The following NOL4L variants were observed in gnomAD, a reference collection of about 807,000 sequenced individuals.
NOL4L encodes nucleolar protein 4-like.
Under a neutral mutation model 64.5 loss-of-function variants are expected in NOL4L, and 7 were observed. That is an observed-to-expected ratio of 0.11 (90% CI 0.06 to 0.20). NOL4L has a LOEUF of 0.20. NOL4L is among the 10% of genes least tolerant of loss of function. The pLI, the probability that NOL4L is intolerant of heterozygous loss-of-function variation, is 1.00. For synonymous variants in NOL4L, 413 were observed against 401.0 expected, an observed-to-expected ratio of 1.03 and a Z score of -0.36; for missense variants, 680 against 967.1, an observed-to-expected ratio of 0.70 and a Z score of 3.94.
intron 1 of NOL4L, among the ~76,000 whole-genome samples, chr20:32,566,685 T>C (rs1979450948): frequency 6.6e-6 from 1 of 152,282 alleles, no homozygotes; most frequent in Non-Finnish European, 1.5e-5. Context: ...CTGCTCAAAA[T>C]GTCACATTTT....
chr20:32,579,908 C>T (rs1425584232), intron 1 of NOL4L, among the ~76,000 whole-genome samples: 1 of 152,208 alleles, frequency 6.6e-6, no homozygotes, highest in African/African-American at 2.4e-5. Flanking sequence ...TCCCTCCTCC[C>T]CACCCCACAC....
intron 3 of NOL4L, among the ~76,000 whole-genome samples, chr20:32,518,817 T>A (rs1478088769): frequency 2.0e-5 from 3 of 152,178 alleles, no homozygotes; most frequent in Non-Finnish European, 4.4e-5. Flanking sequence ...CTCCAGCCCA[T>A]CTGCAGGTAC....
chr20:32,450,154 A>T (rs542407922), intron 10 of NOL4L: 10 of 152,406 alleles, frequency 6.6e-5, no homozygotes, highest in African/African-American at 7.2e-5. Flanking sequence ...GCCGAGCCTG[A>T]TTCTATCTAA....
At chr20:32,565,901 A>C (rs991518163) in intron 1 of NOL4L, among the ~76,000 whole-genome samples, 1 of 148,206 alleles carries the variant, frequency 6.7e-6, no homozygotes, top group African/African-American at 2.6e-5. Flanking sequence ...AAGAAGAAAA[A>C]AATTAGTTGG....
In NOL4L at chr20:32,483,244, C is replaced by G. The variant is rs2015858854; in HGVS notation, c.700-8502G>C. On this transcript the variant is annotated intron_variant, in intron 4 of 10. Coordinates refer to ENST00000621426, the MANE Select transcript of NOL4L (RefSeq NM_001256798.2). Reference sequence around the variant, plus strand: ...TGCGCCCCCCTCCCCAGAACCGCCCCCAGCCCCTCGCCCCCCTAACCGCAG... The same window carrying G: ...TGCGCCCCCCTCCCCAGAACCGCCCGCAGCCCCTCGCCCCCCTAACCGCAG... 5.3e-6 allele frequency: 3 copies of G among 566,946 alleles called. No homozygotes were observed. In the South Asian group the frequency reaches 2.3e-4, roughly 43 times the overall value. 35.1% of individuals were successfully genotyped at this position (566,946 alleles called of 1,614,324 possible).
At chr20:32,540,055 C>T (rs1211430269) in intron 1 of NOL4L, among the ~76,000 whole-genome samples, 1 of 152,230 alleles carries the variant, frequency 6.6e-6, no homozygotes, top group Non-Finnish European at 1.5e-5. Flanking sequence ...GGGGCAGCCA[C>T]CAGCTTGCCT....
intron 1 of NOL4L, among the ~76,000 whole-genome samples, chr20:32,557,613 G>A (rs6119897): frequency 0.27 from 41,766 of 152,096 alleles, 7,023 homozygotes; most frequent in East Asian, 0.76. Context: ...TCCTCCTAGC[G>A]CTAAAAATGA....
At chr20:32,488,852 TTTCTTTCTTTC>T (rs2016310364) in intron 4 of NOL4L, among the ~76,000 whole-genome samples, 2 of 99,836 alleles carry the variant, frequency 2.0e-5, no homozygotes, top group South Asian at 6.3e-4. Context: ...TCTTTCTTTC[TTTCTTTCTTTC>T]TTTCTTTCTT....
chr20:32,501,460 A>G (rs1228059033), intron 4 of NOL4L, among the ~76,000 whole-genome samples: 2 of 152,382 alleles, frequency 1.3e-5, no homozygotes, highest in East Asian at 3.8e-4. Context: ...ATCTTGGAAC[A>G]GAAAAGGAAA....
At chr20:32,476,629 C>T (rs1233860117) in intron 4 of NOL4L, among the ~76,000 whole-genome samples, 1 of 152,244 alleles carries the variant, frequency 6.6e-6, no homozygotes, top group Admixed American at 6.5e-5. Flanking sequence ...TCCATCCATT[C>T]GACAGGTATT....
intron 1 of NOL4L, among the ~76,000 whole-genome samples, chr20:32,570,032 T>A (rs2145619750): frequency 6.6e-6 from 1 of 152,268 alleles, no homozygotes; most frequent in South Asian, 2.1e-4. Context: ...AGCCAGGCCC[T>A]GAGCTAAGTC....
Position 32,584,924 on chromosome 20 carries a change from C to G in NOL4L, c.-34G>C, listed in dbSNP as rs1980791187. ...CGCGCCCGGCGCCCTCGGGGGCGGG[C>G]CGGCCGCCGGGCCGCCCGGTGCCGG... On this transcript the variant is annotated 5_prime_UTR_variant, in exon 1 of 11. Coordinates refer to ENST00000621426, the MANE Select transcript of NOL4L (RefSeq NM_001256798.2). The G allele has an allele frequency of 8.7e-7, 1 of 1,144,382 alleles. No homozygotes were observed. Among genetic ancestry groups the G allele is most frequent in the Non-Finnish European group, 1.1e-6 (1 of 933,036 alleles). 70.9% of individuals were successfully genotyped at this position (1,144,382 alleles called of 1,614,324 possible). A position where few individuals can be genotyped will look rare whatever the true frequency, so the allele number is the denominator to read the frequency against.
intron 1 of NOL4L, among the ~76,000 whole-genome samples, chr20:32,545,676 C>T (rs1227104658): frequency 6.6e-6 from 1 of 152,244 alleles, no homozygotes; most frequent in Non-Finnish European, 1.5e-5. Flanking sequence ...CTGGTTCTCA[C>T]AGCCCACATC....
At chr20:32,567,514 A>C (rs1452549501) in intron 1 of NOL4L, among the ~76,000 whole-genome samples, 4 of 152,156 alleles carry the variant, frequency 2.6e-5, no homozygotes, top group Admixed American at 1.3e-4. Flanking sequence ...CCAGACCTCA[A>C]ACTCTGCTCT....
At chr20:32,452,759 T>C in intron 9 of NOL4L, 125 bp downstream of exon 9, 1 of 1,454,096 alleles carries the variant, frequency 6.9e-7, no homozygotes. Context: ...GTCTTTGCCC[T>C]CCTGTTCCCC....
At chr20:32,448,976 G>C (rs548833562) in intron 10 of NOL4L, among the ~76,000 whole-genome samples, 1 of 152,360 alleles carries the variant, frequency 6.6e-6, no homozygotes, top group East Asian at 1.9e-4. Context: ...CACAGGCTGA[G>C]GCTCCTTCTC....
chr20:32,583,691 C>CG (rs1417381618), intron 1 of NOL4L, among the ~76,000 whole-genome samples: 2 of 145,236 alleles, frequency 1.4e-5, no homozygotes, highest in East Asian at 4.4e-4. Flanking sequence ...GAGGTCCCGG[C>CG]GGGGGAGCCG....
rs1433412175 is a variant in NOL4L at position 32,584,687 on chromosome 20, G to T, written c.204C>A (p.Pro68=). The T allele has an allele frequency of 6.5e-7, 1 of 1,547,974 alleles. No individual in the cohort carries two copies. Among genetic ancestry groups the T allele is most frequent in the Non-Finnish European group, 8.7e-7 (1 of 1,145,724 alleles). ...GGGGTGAGSG[P]AAGEKGKFQF... Reference sequence around the variant, plus strand: ...GGAACTTGCCTTTCTCGCCGGCTGCGGGGCCGCTGCCCGCGCCAGTCCCGC... The same window carrying T: ...GGAACTTGCCTTTCTCGCCGGCTGCTGGGCCGCTGCCCGCGCCAGTCCCGC... The change falls in exon 1 of 11, where the codon CCC becomes CCA. Residue 68 remains proline (P), a synonymous_variant. Coordinates refer to ENST00000621426, the MANE Select transcript of NOL4L (RefSeq NM_001256798.2).
intron 2 of NOL4L, among the ~76,000 whole-genome samples, chr20:32,523,450 C>T (rs1423123145): frequency 6.6e-6 from 1 of 152,204 alleles, no homozygotes; most frequent in African/African-American, 2.4e-5. Context: ...CCTGGCTTGC[C>T]TGGGACCAGA....
Sources: gnomAD v4.1 joint callset for allele counts (sites outside exome capture counted in the v4.1 genomes callset) on GRCh38, gnomAD v4.1.1 for gene constraint, MANE v1.5 for transcripts, NCBI Gene and HGNC (gene_info 2026-07-23, HGNC 2026-07-21) for gene names.